The following PCSK5 variants were observed in gnomAD, a reference collection of about 807,000 sequenced individuals.
PCSK5 encodes the protein prohormone convertase 5.
A neutral mutation model predicts 233.2 loss-of-function variants in PCSK5; 129 were observed. The ratio of observed to expected loss-of-function variants is 0.55; its 90% CI spans 0.48 to 0.64. The LOEUF is 0.64. Among genes scored for constraint, PCSK5 ranks in the 30% least tolerant of loss-of-function variants. The pLI, the probability that PCSK5 is intolerant of heterozygous loss-of-function variation, is 0.00. For synonymous variants in PCSK5, 825 were observed against 879.2 expected, an observed-to-expected ratio of 0.94 and a Z score of 1.09; for missense variants, 2,076 against 2,430.1, an observed-to-expected ratio of 0.85 and a Z score of 3.06.
chr9:75,922,564 C>T (rs1823301899), intron 1 of PCSK5, among the ~76,000 whole-genome samples: 1 of 152,136 alleles, frequency 6.6e-6, no homozygotes, highest in African/African-American at 2.4e-5. Flanking sequence ...GGGATGATGC[C>T]ATTGGGTTGT....
intron 1 of PCSK5, among the ~76,000 whole-genome samples, chr9:75,929,372 G>A (rs1018064217): frequency 6.6e-6 from 1 of 152,140 alleles, no homozygotes; most frequent in African/African-American, 2.4e-5. Flanking sequence ...GGGCTGATGG[G>A]GACACAGGCA....
At chr9:76,011,072 C>T (rs1484115106) in intron 3 of PCSK5, among the ~76,000 whole-genome samples, 2 of 152,160 alleles carry the variant, frequency 1.3e-5, no homozygotes, top group East Asian at 3.8e-4. Context: ...GCTATTAAAG[C>T]AAGTTGCTTG....
intron 3 of PCSK5, among the ~76,000 whole-genome samples, chr9:76,019,211 T>G (rs530468625): frequency 4.0e-4 from 61 of 152,268 alleles, no homozygotes; most frequent in Admixed American, 4.0e-3. Flanking sequence ...CTTGGCCATG[T>G]AAGGACCTAG....
chr9:76,199,915 CT>C (rs1423542344), intron 20 of PCSK5, among the ~76,000 whole-genome samples: 1 of 152,132 alleles, frequency 6.6e-6, no homozygotes, highest in Non-Finnish European at 1.5e-5. Context: ...CCCCAACCCC[CT>C]GACCATCTTT....
chr9:76,358,719 A>G lies in PCSK5; in HGVS notation c.5461A>G (p.Ser1821Gly), dbSNP rs1587378022. 1 of 1,612,850 alleles carries G rather than the reference A, an allele frequency of 6.2e-7. No homozygotes were observed. The highest frequency in any genetic ancestry group is 8.5e-7 in the Non-Finnish European group (1 of 1,179,880). ...DPNKSYSSYK[S>G]SYRESTSFEE... is the part of the protein sequence containing the mutation. ...CAACAAGTCTTACTCCTCCTATAAG[A>G]GCAGCTATAGAGAGAGCACCAGCTT... Residue 1821 changes from serine (S) to glycine (G), a missense_variant, in exon 38 of 38, where the codon AGC (serine) becomes GGC (glycine). Physicochemically the swap from Ser to Gly is moderately conservative, Grantham distance 56 (BLOSUM62 0). Coordinates refer to ENST00000674117, the MANE Select transcript of PCSK5 (RefSeq NM_001372043.1).
intron 30 of PCSK5, among the ~76,000 whole-genome samples, chr9:76,316,320 T>C (rs1829030602): frequency 6.6e-6 from 1 of 152,102 alleles, no homozygotes. Flanking sequence ...CCCTAACTCT[T>C]AGGAAATTCC....
intron 20 of PCSK5, 35 bp downstream of exon 20, chr9:76,189,781 A>C (rs759603389): frequency 1.8e-6 from 2 of 1,106,986 alleles, no homozygotes; most frequent in Admixed American, 1.8e-5. Flanking sequence ...CTTATGAAGC[A>C]AAGTATGATC....
chr9:76,337,274 A>C (rs1212956501), intron 34 of PCSK5, among the ~76,000 whole-genome samples: 1 of 151,220 alleles, frequency 6.6e-6, no homozygotes, highest in Admixed American at 6.6e-5. Flanking sequence ...AACAATTCTC[A>C]TGCCTCAGCC....
At chr9:75,907,135 C>T (rs1331005074) in intron 1 of PCSK5, among the ~76,000 whole-genome samples, 1 of 151,970 alleles carries the variant, frequency 6.6e-6, no homozygotes, top group Non-Finnish European at 1.5e-5. Context: ...ACTTCATTGA[C>T]TTGCATAATA....
At chr9:75,995,523 T>C (rs1480425066) in intron 3 of PCSK5, among the ~76,000 whole-genome samples, 2 of 152,202 alleles carry the variant, frequency 1.3e-5, no homozygotes, top group African/African-American at 4.8e-5. Flanking sequence ...GTTGTGTCTT[T>C]GTGATTTTAT....
intron 35 of PCSK5, among the ~76,000 whole-genome samples, chr9:76,347,460 G>A (rs1486961061): frequency 2.6e-5 from 4 of 152,184 alleles, no homozygotes; most frequent in African/African-American, 9.7e-5. Context: ...GGTACCCTAA[G>A]TGTGCAAGTT....
Position 76,126,278 on chromosome 9 carries a change from A to G in PCSK5, c.1209-7831A>G, listed in dbSNP as rs574117584. On this transcript the variant is annotated intron_variant, in intron 9 of 37. Transcript: ENST00000674117. ...AAAGACTGCCAGGAATTGATACACT[A>G]AACCAGGAGTTTCTAAAATAGGCAT... Among the ~76,000 whole-genome samples the G allele has an allele frequency of 2.0e-4, 31 of 152,272 alleles. 1 individual carries two copies. In the South Asian group the frequency reaches 5.2e-3, roughly 25 times the overall value.
chr9:76,074,839 A>G (rs1027853955), intron 7 of PCSK5, among the ~76,000 whole-genome samples: 1 of 152,224 alleles, frequency 6.6e-6, no homozygotes, highest in Non-Finnish European at 1.5e-5. Flanking sequence ...ATTTGTCCTC[A>G]GTCCATCATC....
At chr9:75,934,865 G>A (rs942838719) in intron 2 of PCSK5, among the ~76,000 whole-genome samples, 2 of 152,084 alleles carry the variant, frequency 1.3e-5, no homozygotes, top group Non-Finnish European at 2.9e-5. Flanking sequence ...GATTACAGCT[G>A]TGAGCCACCA....
chr9:76,028,746 C>G (rs34391135), intron 5 of PCSK5, among the ~76,000 whole-genome samples: 1 of 152,026 alleles, frequency 6.6e-6, no homozygotes, highest in African/African-American at 2.4e-5. Context: ...AGTCCTGCAA[C>G]GGCAGACTGG....
chr9:76,198,318 C>T (rs764716739), intron 20 of PCSK5, among the ~76,000 whole-genome samples: 7 of 152,162 alleles, frequency 4.6e-5, no homozygotes, highest in East Asian at 1.9e-4. Context: ...ATTCCAGAAA[C>T]GTTCCCTGAG....
At chr9:76,131,303 G>A (rs1822753995) in intron 9 of PCSK5, among the ~76,000 whole-genome samples, 1 of 152,010 alleles carries the variant, frequency 6.6e-6, no homozygotes, top group Admixed American at 6.6e-5. Context: ...TTAACCTATG[G>A]CTATTTCCTG....
chr9:76,150,763 ATCTC>A (rs1009650850), intron 10 of PCSK5, among the ~76,000 whole-genome samples: 6 of 152,190 alleles, frequency 3.9e-5, no homozygotes, highest in African/African-American at 9.7e-5. Flanking sequence ...ATAGTTCTGA[ATCTC>A]TCTCTAAGAA....
intron 7 of PCSK5, among the ~76,000 whole-genome samples, chr9:76,079,127 G>T (rs901097570): frequency 6.6e-6 from 1 of 151,468 alleles, no homozygotes; most frequent in Non-Finnish European, 1.5e-5. Context: ...TCGAGATGGA[G>T]TTCACCCTGT....
Sources: allele counts gnomAD v4.1 joint callset (sites outside exome capture counted in the v4.1 genomes callset), GRCh38; gene constraint gnomAD v4.1.1; transcripts MANE v1.5; gene names NCBI Gene and HGNC (gene_info 2026-07-23, HGNC 2026-07-21).